GIMAP6: variants seen among roughly 807,000 people sequenced by gnomAD.
The protein encoded by GIMAP6 is GTPase IMAP family member 6.
A neutral mutation model predicts 9.3 loss-of-function variants in GIMAP6; 6 were observed. The ratio of observed to expected loss-of-function variants is 0.65; its 90% CI spans 0.35 to 1.27. The LOEUF is 1.27. Ranked by LOEUF, GIMAP6 falls within the 50% of genes most tolerant of loss-of-function variation. GIMAP6 has a pLI of 0.03. For missense variants in GIMAP6, 333 were observed against 359.5 expected (o/e 0.93, Z 0.60); for synonymous variants, 156 against 151.1 (o/e 1.03, Z -0.24).
At chr7:150,629,396 T>A (rs1796354467) in intron 2 of GIMAP6, among the ~76,000 whole-genome samples, 1 of 152,186 alleles carries the variant, frequency 6.6e-6, no homozygotes, top group African/African-American at 2.4e-5. Context: ...GTTCATAAAG[T>A]AAAAGGTCAT....
In GIMAP6 at chr7:150,627,677, T is replaced by C. The variant is rs778956484; in HGVS notation, c.*42A>G. On this transcript the variant is annotated 3_prime_UTR_variant, in exon 3 of 3. Transcript: ENST00000328902. ...AAACAGAGGGCTGGACACAGGGGGGTGCAAAGGCTGATGGTGTCCTTGGCT... is the reference window on the plus strand; with the variant it reads ...AAACAGAGGGCTGGACACAGGGGGGCGCAAAGGCTGATGGTGTCCTTGGCT... 3.1e-6 allele frequency: 5 copies of C among 1,610,974 alleles called. No homozygotes were observed. In the East Asian group the frequency reaches 1.1e-4, roughly 36 times the overall value.
intron 2 of GIMAP6, 70 bp downstream of exon 2, chr7:150,629,988 G>T: frequency 1.0e-6 from 1 of 1,002,694 alleles, no homozygotes; most frequent in Non-Finnish European, 1.5e-6. Flanking sequence ...AGCACACTAT[G>T]GTGGTGGAGC....
At chr7:150,630,017 C>A in intron 2 of GIMAP6, 41 bp downstream of exon 2, 1 of 1,362,094 alleles carries the variant, frequency 7.3e-7, no homozygotes, top group South Asian at 1.2e-5. Flanking sequence ...ACCTGCACCC[C>A]AAATGTTTCC....
At chr7:150,629,558 A>G (rs978774708) in intron 2 of GIMAP6, among the ~76,000 whole-genome samples, 7 of 152,126 alleles carry the variant, frequency 4.6e-5, no homozygotes, top group Non-Finnish European at 1.0e-4. Flanking sequence ...GGCTTTTGGG[A>G]AAGGGACGCC....
rs938613591 is a variant in GIMAP6, at chr7:150,627,356, G to A, written c.*363C>T. 1.3e-5 allele frequency: 4 copies of A among 315,260 alleles called. No homozygotes were observed. The highest frequency in any genetic ancestry group is 8.6e-5 in the African/African-American group (4 of 46,544). The allele number at this position is 315,260 out of a possible 1,614,324, so 19.5% of individuals were successfully genotyped here. A position where few individuals can be genotyped will look rare whatever the true frequency, so the allele number is the denominator to read the frequency against. Reference sequence around the variant, plus strand: ...CTGCATGACTCCAATGCAGTCAAAAGCTGTGGAAGTTACACAGAAGTAAAA... The same window carrying A: ...CTGCATGACTCCAATGCAGTCAAAAACTGTGGAAGTTACACAGAAGTAAAA... On this transcript the variant is annotated 3_prime_UTR_variant, in exon 3 of 3. Coordinates refer to ENST00000328902, the MANE Select transcript of GIMAP6 (RefSeq NM_024711.6).
At position 150,631,921 on chromosome 7, in the gene GIMAP6, CACACAT is replaced by C. The variant is rs1796397834; in HGVS notation, c.-1+242_-1+247del. The stretch of plus-strand genomic sequence containing the variant: ...ACAGCACACACAAATACACAACACA[CACACAT>C]ACACAAAACACATGTACCACTCACA... On this transcript the variant is annotated intron_variant, in intron 1 of 2. Coordinates refer to ENST00000328902, the MANE Select transcript of GIMAP6 (RefSeq NM_024711.6). Among the ~76,000 whole-genome samples the C allele has an allele frequency of 7.9e-5, 12 of 152,196 alleles. No homozygotes were observed. In the South Asian group the frequency reaches 2.5e-3, roughly 31 times the overall value.
In GIMAP6 at chr7:150,628,287, A is replaced by C. The variant is rs1413554849; in HGVS notation, c.311T>G (p.Val104Gly). Reference sequence around the variant, plus strand: ...GATAGCGTCTGCCACCTCTGGCGAGACCTGGGGGGACAGAATGTTGGGTGT... The same window carrying C: ...GATAGCGTCTGCCACCTCTGGCGAGCCCTGGGGGGACAGAATGTTGGGTGT... Reference protein sequence around the residue: ...IDTPNILSPQVSPEVADAICQ... With the variant: ...IDTPNILSPQGSPEVADAICQ... The change falls in exon 3 of 3, where the codon GTC becomes GGC. Residue 104 changes from valine (V) to glycine (G), a missense_variant. Val to Gly is a moderately radical substitution (Grantham distance 109). Coordinates refer to ENST00000328902, the MANE Select transcript of GIMAP6 (RefSeq NM_024711.6). 3.7e-6 allele frequency: 6 copies of C among 1,614,112 alleles called. No individual in the cohort carries two copies. The South Asian group carries it at 5.5e-5, about 15-fold the overall frequency.
rs191817741 is a variant in GIMAP6, at chr7:150,628,275, A to G, written c.323T>C (p.Val108Ala). 6.2e-7 allele frequency: 1 copy of G among 1,614,104 alleles called. No homozygotes were observed. Among genetic ancestry groups the G allele is most frequent in the African/African-American group, 1.3e-5 (1 of 75,056 alleles). The change falls in exon 3 of 3, where the codon GTG (valine) becomes GCG (alanine). Residue 108 changes from valine to alanine, a missense_variant. Coordinates refer to ENST00000328902, the MANE Select transcript of GIMAP6 (RefSeq NM_024711.6). The part of the protein sequence containing the change: ...NILSPQVSPE[V>A]ADAICQAIVL... ...GATGGCTTGGCAGATAGCGTCTGCC[A>G]CCTCTGGCGAGACCTGGGGGGACAG...
chr7:150,631,849 C>T (rs146050202), intron 1 of GIMAP6, among the ~76,000 whole-genome samples: 194 of 152,272 alleles, frequency 1.3e-3, no homozygotes, highest in African/African-American at 4.5e-3. Context: ...GTTCTCCAGA[C>T]GTGTTGGTCA....
chr7:150,628,303 T>C lies in GIMAP6; in HGVS notation c.295A>G (p.Ile99Val), dbSNP rs544332792. Residue 99 changes from isoleucine (I) to valine (V), a missense_variant, in exon 3 of 3, where the codon ATT (isoleucine) becomes GTT (valine). Coordinates refer to ENST00000328902, the MANE Select transcript of GIMAP6 (RefSeq NM_024711.6). ...KELEVIDTPN[I>V]LSPQVSPEVA... is the part of the protein sequence containing the mutation. ...TCTGGCGAGACCTGGGGGGACAGAA[T>C]GTTGGGTGTGTCAATCACCTCAAGC... 6.2e-7 allele frequency: 1 copy of C among 1,614,144 alleles called. No homozygotes were observed. The highest frequency in any genetic ancestry group is 1.3e-5 in the African/African-American group (1 of 75,058).
At position 150,628,052 on chromosome 7, in the gene GIMAP6, G is replaced by A. The variant is rs772134650; in HGVS notation, c.546C>T (p.Asn182=). 2.5e-6 allele frequency: 4 copies of A among 1,614,216 alleles called. No individual in the cohort carries two copies. The highest frequency in any genetic ancestry group is 3.4e-6 in the Non-Finnish European group (4 of 1,180,018). The change falls in exon 3 of 3, where the codon AAC becomes AAT. Residue 182 remains asparagine (N), a synonymous_variant. Coordinates refer to ENST00000328902, the MANE Select transcript of GIMAP6 (RefSeq NM_024711.6). ...SLEDYVRETN[N]QALAWLDVTL... is the part of the protein sequence containing the mutation. ...TCACATCCAGCCAGGCAAGGGCCTG[G>A]TTGTTGGTCTCTCGCACATAGTCTT... is the stretch of plus-strand genomic sequence containing the variant.
chr7:150,628,276 C>G lies in GIMAP6; in HGVS notation c.322G>C (p.Val108Leu), dbSNP rs756267501. ...ATGGCTTGGCAGATAGCGTCTGCCA[C>G]CTCTGGCGAGACCTGGGGGGACAGA... ...NILSPQVSPE[V>L]ADAICQAIVL... Residue 108 changes from valine to leucine, a missense_variant, in exon 3 of 3, where the codon GTG becomes CTG. Physicochemically the swap from Val to Leu is conservative, Grantham distance 32. Transcript: ENST00000328902. 3 of 1,614,188 alleles carry G rather than the reference C, an allele frequency of 1.9e-6. No individual in the cohort carries two copies. Among genetic ancestry groups the G allele is most frequent in the South Asian group, 2.2e-5 (2 of 91,076 alleles).
rs1341683992 is a variant in GIMAP6, at chr7:150,627,661, G to A, written c.*58C>T. ...CATGGGATGGAAAGAGAAACAGAGG[G>A]CTGGACACAGGGGGGTGCAAAGGCT... is the stretch of plus-strand genomic sequence containing the variant. On this transcript the variant is annotated 3_prime_UTR_variant, in exon 3 of 3. Transcript: ENST00000328902. 1.9e-6 allele frequency: 3 copies of A among 1,600,180 alleles called. No homozygotes were observed. In the African/African-American group the frequency reaches 4.0e-5, roughly 21 times the overall value.
chr7:150,628,349 G>A lies in GIMAP6; in HGVS notation c.249C>T (p.Ser83=). The A allele has an allele frequency of 5.0e-6, 8 of 1,614,054 alleles. No homozygotes were observed. Among genetic ancestry groups the A allele is most frequent in the Non-Finnish European group, 6.8e-6 (8 of 1,179,962 alleles). The change falls in exon 3 of 3, where the codon AGC becomes AGT. Residue 83 remains serine (S), a synonymous_variant. Transcript: ENST00000328902. The stretch of plus-strand genomic sequence containing the variant: ...CAAGCTCCTTCCCAGCCCACTCTCG[G>A]CTCCGTCTCTGGGAGGTCTTGGTCA... ...RPVTKTSQRR[S]REWAGKELEV...
chr7:150,629,408 C>A (rs549412292), intron 2 of GIMAP6, among the ~76,000 whole-genome samples: 1 of 152,178 alleles, frequency 6.6e-6, no homozygotes, highest in African/African-American at 2.4e-5. Context: ...AAAGGTCATT[C>A]ATATTAAAAT....
Position 150,628,128 on chromosome 7 carries a change from T to A in GIMAP6, c.470A>T (p.His157Leu), listed in dbSNP as rs369430612. The A allele has an allele frequency of 8.7e-6, 14 of 1,614,092 alleles. No individual in the cohort carries two copies. The highest frequency in any genetic ancestry group is 1.2e-5 in the Non-Finnish European group (14 of 1,180,042). The part of the protein sequence containing the change: ...QEVFGVGVLG[H>L]TILVFTRKED... ...CTTCCGGGTGAACACCAGGATGGTG[T>A]GACCCAGAACCCCCACTCCAAAGAC... The change falls in exon 3 of 3, where the codon CAC (histidine) becomes CTC (leucine). Residue 157 changes from histidine to leucine, a missense_variant. By Grantham distance (99) the His-to-Leu change is moderately conservative. Transcript: ENST00000328902.
At chr7:150,631,348 A>G (rs138917779) in intron 1 of GIMAP6, among the ~76,000 whole-genome samples, 1 of 152,180 alleles carries the variant, frequency 6.6e-6, no homozygotes, top group South Asian at 2.1e-4. Context: ...AAGAAAGAAG[A>G]AGCAGGCCAG....
rs774846551 is a variant in GIMAP6, at chr7:150,630,115, G to C, written c.28C>G (p.Pro10Ala). 4 of 1,493,336 alleles carry C rather than the reference G, an allele frequency of 2.7e-6. No individual in the cohort carries two copies. The African/African-American group carries it at 6.2e-5, about 23-fold the overall frequency. The allele number at this position is 1,493,336 out of a possible 1,614,324, so 92.5% of individuals were successfully genotyped here. ...AGCTCTTCTGGGGGATTCTCCTGGG[G>C]AATTTGTTCATATTCTTCTTCCTCC... MEEEEYEQIPQENPPEELSQ... is the reference protein window; with the variant it reads MEEEEYEQIAQENPPEELSQ... Residue 10 changes from proline to alanine, a missense_variant, in exon 2 of 3, where the codon CCC becomes GCC. Coordinates refer to ENST00000328902, the MANE Select transcript of GIMAP6 (RefSeq NM_024711.6).
chr7:150,630,291 A>G, intron 1 of GIMAP6, 149 bp from the exon 2 acceptor site: 1 of 572,972 alleles, frequency 1.7e-6, no homozygotes, highest in South Asian at 2.4e-5. Context: ...AGGCAATGGA[A>G]GAAGGGGTCT....
Sources: gnomAD v4.1 joint callset for allele counts (sites outside exome capture counted in the v4.1 genomes callset) on GRCh38, gnomAD v4.1.1 for gene constraint, MANE v1.5 for transcripts, NCBI Gene and HGNC (gene_info 2026-07-23, HGNC 2026-07-21) for gene names.